CDC5L: variants seen among roughly 807,000 people sequenced by gnomAD.
The protein encoded by CDC5L is cell division cycle 5 like.
In CDC5L, 18 loss-of-function variants were observed where a neutral mutation model predicts 104.1. The ratio of observed to expected loss-of-function variants is 0.17; its 90% CI spans 0.12 to 0.26. The LOEUF (loss-of-function observed/expected upper bound fraction) is 0.26. Among genes scored for constraint, CDC5L ranks in the 10% least tolerant of loss-of-function variants. The probability of loss-of-function intolerance (pLI) is 1.00; values close to 1 mark genes in which losing one functional copy is unlikely to be tolerated. For missense variants in CDC5L, 673 were observed against 956.9 expected (o/e 0.70, Z 3.91); for synonymous variants, 331 against 322.7 (o/e 1.03, Z -0.28).
intron 13 of CDC5L, among the ~76,000 whole-genome samples, chr6:44,427,725 A>G (rs149691438): frequency 2.9e-3 from 448 of 152,240 alleles, no homozygotes; most frequent in African/African-American, 0.01. Context: ...TGAGTTGCCT[A>G]CTCTGTCGAG....
intron 5 of CDC5L, among the ~76,000 whole-genome samples, chr6:44,398,095 T>G (rs895308057): frequency 2.0e-5 from 3 of 152,162 alleles, no homozygotes; most frequent in African/African-American, 7.2e-5. Flanking sequence ...ATGGAGGGTT[T>G]TTTAATGTCT....
rs1793542460 is a variant in CDC5L at position 44,448,729 on chromosome 6, T to C, written c.*2018T>C. ...TTTTATTTCACTTTTATTGCATGTT[T>C]TGTTATCTGAAATGTTTAGGACAAT... is the stretch of plus-strand genomic sequence containing the variant. On this transcript the variant is annotated 3_prime_UTR_variant, in exon 16 of 16. Transcript: ENST00000371477. 1 of 152,228 alleles carries C rather than the reference T, an allele frequency of 6.6e-6. No homozygotes were observed. 9.4% of individuals were successfully genotyped at this position (152,228 alleles called of 1,614,324 possible).
At chr6:44,415,296 G>T (rs1195523751) in intron 8 of CDC5L, among the ~76,000 whole-genome samples, 2 of 152,182 alleles carry the variant, frequency 1.3e-5, no homozygotes, top group African/African-American at 4.8e-5. Flanking sequence ...CACAAAACAG[G>T]TTTAGAACCT....
chr6:44,420,091 C>T (rs533524251), intron 9 of CDC5L, among the ~76,000 whole-genome samples: 2 of 152,214 alleles, frequency 1.3e-5, no homozygotes, highest in Admixed American at 6.5e-5. Flanking sequence ...TGCTTTCCCT[C>T]CAGCATTTTA....
At chr6:44,421,014 G>A (rs11571994) in intron 9 of CDC5L, among the ~76,000 whole-genome samples, 3,685 of 152,150 alleles carry the variant, frequency 0.024, 152 homozygotes, top group African/African-American at 0.083. Context: ...ATCCCACACT[G>A]TAATCCCTTG....
intron 7 of CDC5L, 31 bp from the exon 8 acceptor site, chr6:44,408,413 G>T: frequency 5.8e-6 from 9 of 1,559,544 alleles, no homozygotes; most frequent in Non-Finnish European, 7.9e-6. Context: ...CAGTTAAAAT[G>T]TTGCTTACTA....
intron 4 of CDC5L, among the ~76,000 whole-genome samples, chr6:44,394,891 TACACAC>T (rs57508430): frequency 0.81 from 102,008 of 125,744 alleles, 41,215 homozygotes; most frequent in Admixed American, 0.83. Context: ...AAAAATGGTA[TACACAC>T]ACACACACAC....
At chr6:44,399,778 T>A (rs1358775789) in intron 5 of CDC5L, among the ~76,000 whole-genome samples, 4 of 152,008 alleles carry the variant, frequency 2.6e-5, no homozygotes, top group Non-Finnish European at 5.9e-5. Context: ...CTCAGCCTCC[T>A]GAGTAGCTGG....
chr6:44,417,130 A>G (rs1241170907), intron 8 of CDC5L, among the ~76,000 whole-genome samples: 1 of 152,184 alleles, frequency 6.6e-6, no homozygotes, highest in African/African-American at 2.4e-5. Context: ...TCTGTGCTCC[A>G]TGATGTCTAG....
At position 44,393,579 on chromosome 6, in the gene CDC5L, T is replaced by G. The variant is rs1561967098; in HGVS notation, c.439+6T>G. 6.2e-7 allele frequency: 1 copy of G among 1,610,218 alleles called. No homozygotes were observed. The highest frequency in any genetic ancestry group is 8.5e-7 in the Non-Finnish European group (1 of 1,178,484). On this transcript the variant is annotated splice_donor_region_variant and intron_variant, in intron 4 of 15. Coordinates refer to ENST00000371477, the MANE Select transcript of CDC5L (RefSeq NM_001253.4). ...TCCAATTGATATGGATGAGGGTAAG[T>G]GTATGCTTTGAGGAATTTATTTCTT...
Position 44,445,788 on chromosome 6 carries a change from T to G in CDC5L, c.2225T>G (p.Ile742Ser). 1 of 1,614,088 alleles carries G rather than the reference T, an allele frequency of 6.2e-7. No individual in the cohort carries two copies. The highest frequency in any genetic ancestry group is 8.5e-7 in the Non-Finnish European group (1 of 1,179,972). Residue 742 changes from isoleucine (I) to serine (S), a missense_variant, in exon 15 of 16, where the codon ATT (isoleucine) becomes AGT (serine). By Grantham distance (142) the Ile-to-Ser change is moderately radical. Transcript: ENST00000371477. The part of the protein sequence containing the change: ...MKQLNDLWDQ[I>S]EQAHLELRTF... ...CAGTTGAATGACTTATGGGACCAAA[T>G]TGAACAGGCTCACTTGGAGTTACGC...
chr6:44,445,768 G>A lies in CDC5L; in HGVS notation c.2205G>A (p.Leu735=). Residue 735 remains leucine (L), a synonymous_variant, in exon 15 of 16, where the codon TTG becomes TTA. Transcript: ENST00000371477. ...GTGCTATGGGGCTCATGAAACAGTTGAATGACTTATGGGACCAAATTGAAC... is the reference window on the plus strand; with the variant it reads ...GTGCTATGGGGCTCATGAAACAGTTAAATGACTTATGGGACCAAATTGAAC... ...QSRAMGLMKQ[L]NDLWDQIEQA... 6.2e-7 allele frequency: 1 copy of A among 1,614,062 alleles called. No homozygotes were observed.
At chr6:44,440,208 C>T (rs1365491402) in intron 14 of CDC5L, among the ~76,000 whole-genome samples, 1 of 150,810 alleles carries the variant, frequency 6.6e-6, no homozygotes, top group African/African-American at 2.4e-5. Context: ...CAGTGTTACT[C>T]GCCTGCCTCC....
At chr6:44,411,107 TA>T (rs1791603635) in intron 8 of CDC5L, among the ~76,000 whole-genome samples, 1 of 152,142 alleles carries the variant, frequency 6.6e-6, no homozygotes, top group Admixed American at 6.5e-5. Context: ...GCATAGTTTC[TA>T]AGTTTTTTGT....
intron 15 of CDC5L, among the ~76,000 whole-genome samples, chr6:44,446,234 A>G (rs189299361): frequency 1.3e-5 from 2 of 152,350 alleles, no homozygotes; most frequent in Admixed American, 1.3e-4. Context: ...TGTTGCTGGG[A>G]ACATAGCTAG....
At chr6:44,387,950 A>G in intron 1 of CDC5L, 82 bp downstream of exon 1, 1 of 1,351,734 alleles carries the variant, frequency 7.4e-7, no homozygotes, top group Non-Finnish European at 1.0e-6. Flanking sequence ...CGGGGGGGCG[A>G]CGAGGAGACC....
intron 14 of CDC5L, among the ~76,000 whole-genome samples, chr6:44,445,340 A>G (rs577984356): frequency 2.5e-4 from 38 of 152,320 alleles, no homozygotes; most frequent in African/African-American, 8.4e-4. Flanking sequence ...ACGTTGAATG[A>G]TAGCAGAAGT....
chr6:44,391,439 G>A (rs1450190732), intron 2 of CDC5L, among the ~76,000 whole-genome samples: 5 of 151,764 alleles, frequency 3.3e-5, no homozygotes, highest in South Asian at 2.1e-4. Flanking sequence ...TAGTAGAGAC[G>A]GAGTTTCGCC....
intron 14 of CDC5L, among the ~76,000 whole-genome samples, chr6:44,441,838 T>TTTTG (rs1459243245): frequency 6.6e-6 from 1 of 152,154 alleles, no homozygotes; most frequent in Non-Finnish European, 1.5e-5. Flanking sequence ...GTTTGAATTT[T>TTTTG]TTTGTTTGTT....
Sources: gnomAD v4.1 joint callset for allele counts (sites outside exome capture counted in the v4.1 genomes callset) on GRCh38, gnomAD v4.1.1 for gene constraint, MANE v1.5 for transcripts, NCBI Gene and HGNC (gene_info 2026-07-23, HGNC 2026-07-21) for gene names.